Variants in SLC13A1 observed in about 807,000 individuals in gnomAD.
SLC13A1 encodes the protein Na(+)/sulfate cotransporter.
In SLC13A1, 65 loss-of-function variants were observed where a neutral mutation model predicts 70.0. The observed-to-expected ratio is 0.93, with a 90% confidence interval of 0.76 to 1.14. The LOEUF (loss-of-function observed/expected upper bound fraction) is 1.14, where lower values mean the gene tolerates loss of function less well. Among genes scored for constraint, SLC13A1 ranks in the 50% most tolerant of loss-of-function variants. SLC13A1 has a pLI of 0.00. For synonymous variants in SLC13A1, 275 were observed against 250.5 expected (o/e 1.10, Z -0.92); for missense variants, 726 against 717.8 (o/e 1.01, Z -0.13).
At chr7:123,162,218 G>A (rs1158942284) in intron 6 of SLC13A1, among the ~76,000 whole-genome samples, 3 of 152,070 alleles carry the variant, frequency 2.0e-5, no homozygotes, top group Non-Finnish European at 4.4e-5. Flanking sequence ...AACATAAAAT[G>A]TGAAGAACTA....
intron 1 of SLC13A1, among the ~76,000 whole-genome samples, chr7:123,191,327 G>T (rs890444797): frequency 2.0e-5 from 3 of 152,158 alleles, no homozygotes; most frequent in Non-Finnish European, 4.4e-5. Flanking sequence ...TCCTTCACAG[G>T]TTTGAGAAAA....
chr7:123,161,538 C>A (rs1794901362), intron 6 of SLC13A1, among the ~76,000 whole-genome samples: 1 of 152,140 alleles, frequency 6.6e-6, no homozygotes, highest in South Asian at 2.1e-4. Context: ...TTTCTCCTTT[C>A]CTTGAGCAGC....
intron 6 of SLC13A1, among the ~76,000 whole-genome samples, chr7:123,161,307 G>A (rs1794888062): frequency 6.7e-6 from 1 of 150,290 alleles, no homozygotes; most frequent in African/African-American, 2.4e-5. Flanking sequence ...ATCTTTAAAA[G>A]CACAAGAAAA....
chr7:123,171,900 G>A lies in SLC13A1; in HGVS notation c.233C>T (p.Ala78Val), dbSNP rs775622587. Residue 78 changes from alanine (A) to valine (V), a missense_variant, in exon 3 of 15, where the codon GCA becomes GTA. Transcript: ENST00000194130. The stretch of plus-strand genomic sequence containing the variant: ...GTGAAAATCCTTGAAATAAGCAGAT[G>A]CCACCTGAAATAACAATTAAACCCG... ...MFGIMPSKKV[A>V]SAYFKDFHLL... The A allele has an allele frequency of 4.3e-6, 7 of 1,611,846 alleles. No homozygotes were observed. The highest frequency in any genetic ancestry group is 5.9e-6 in the Non-Finnish European group (7 of 1,178,990).
intron 1 of SLC13A1, among the ~76,000 whole-genome samples, chr7:123,194,392 A>T (rs1426105466): frequency 2.0e-5 from 3 of 152,158 alleles, no homozygotes; most frequent in Admixed American, 6.6e-5. Flanking sequence ...TGTGGGAGAT[A>T]GATACTGGGG....
At position 123,149,648 on chromosome 7, in the gene SLC13A1, A is replaced by C. The variant is rs189255331; in HGVS notation, c.661-2338T>G. ...GTGGAAATGAAATGCAAAAATACCT[A>C]AGTGTGTGCTTGATATTATAGTTAC... is the stretch of plus-strand genomic sequence containing the variant. On this transcript the variant is annotated intron_variant, in intron 6 of 14. Transcript: ENST00000194130. 8.8e-6 allele frequency: 4 copies of C among 456,262 alleles called. No homozygotes were observed. The East Asian group carries it at 2.8e-4, about 32-fold the overall frequency. The allele number at this position is 456,262 out of a possible 1,614,324, so 28.3% of individuals were successfully genotyped here.
In SLC13A1 at chr7:123,115,643, G is replaced by A; in HGVS notation, c.1663C>T (p.Leu555Phe). ...GCAACACCAACAATGTTGACACCAA[G>A]TCCAGCTTTAACCTTGAACAGGAAA... Reference protein sequence around the residue: ...LKVIDMVKAGLGVNIVGVAVV... With the variant: ...LKVIDMVKAGFGVNIVGVAVV... The change falls in exon 15 of 15, where the codon CTT becomes TTT. Residue 555 changes from leucine to phenylalanine, a missense_variant. Leu to Phe is a conservative substitution (Grantham distance 22). Coordinates refer to ENST00000194130, the MANE Select transcript of SLC13A1 (RefSeq NM_022444.4). 2 of 1,613,706 alleles carry A rather than the reference G, an allele frequency of 1.2e-6. No homozygotes were observed. The highest frequency in any genetic ancestry group is 1.7e-6 in the Non-Finnish European group (2 of 1,179,700).
At chr7:123,117,250 C>T (rs1322683903) in intron 14 of SLC13A1, among the ~76,000 whole-genome samples, 1 of 152,094 alleles carries the variant, frequency 6.6e-6, no homozygotes, top group East Asian at 1.9e-4. Flanking sequence ...ATGCATTCAA[C>T]ATCTCTCTGT....
At chr7:123,193,617 A>G (rs1430351024) in intron 1 of SLC13A1, among the ~76,000 whole-genome samples, 1 of 152,148 alleles carries the variant, frequency 6.6e-6, no homozygotes, top group Non-Finnish European at 1.5e-5. Context: ...TTAAATAAGC[A>G]ATGACATCAT....
chr7:123,189,998 G>A (rs1460558926), intron 1 of SLC13A1, among the ~76,000 whole-genome samples: 6 of 151,714 alleles, frequency 4.0e-5, no homozygotes, highest in Non-Finnish European at 7.4e-5. Context: ...TTTCATTTTC[G>A]GTAATGTCTT....
In SLC13A1 at chr7:123,119,088, G is replaced by A. The variant is rs139357828; in HGVS notation, c.1505C>T (p.Ser502Phe). Reference protein sequence around the residue: ...ATITLFLPILSPLAEAIHVNP... With the variant: ...ATITLFLPILFPLAEAIHVNP... ...GATAAATGAGATACTCACCAATGGA[G>A]ATAATATTGGGAGAAAGAGTGTAAT... The change falls in exon 13 of 15, where the codon TCT becomes TTT. Residue 502 changes from serine to phenylalanine, a missense_variant. Ser to Phe is a radical substitution (Grantham distance 155). Coordinates refer to ENST00000194130, the MANE Select transcript of SLC13A1 (RefSeq NM_022444.4). 3 of 1,611,510 alleles carry A rather than the reference G, an allele frequency of 1.9e-6. No homozygotes were observed. The highest frequency in any genetic ancestry group is 1.7e-5 in the Admixed American group (1 of 59,872).
At chr7:123,163,515 A>G (rs1352830366) in intron 6 of SLC13A1, among the ~76,000 whole-genome samples, 6 of 152,120 alleles carry the variant, frequency 3.9e-5, no homozygotes, top group Non-Finnish European at 5.9e-5. Flanking sequence ...CTAAATATCC[A>G]TCATCTTCAA....
At chr7:123,140,018 T>G (rs1476626866) in intron 7 of SLC13A1, among the ~76,000 whole-genome samples, 2 of 152,082 alleles carry the variant, frequency 1.3e-5, no homozygotes, top group African/African-American at 4.8e-5. Context: ...TTTCGGTTTT[T>G]TTACCCATTC....
intron 14 of SLC13A1, among the ~76,000 whole-genome samples, chr7:123,117,059 A>G (rs549060026): frequency 6.6e-6 from 1 of 152,280 alleles, no homozygotes; most frequent in South Asian, 2.1e-4. Context: ...TCTCATTCAG[A>G]GGAAATGTTG....
intron 6 of SLC13A1, among the ~76,000 whole-genome samples, chr7:123,152,707 A>G (rs1794595509): frequency 6.6e-6 from 1 of 152,152 alleles, no homozygotes; most frequent in Non-Finnish European, 1.5e-5. Context: ...AGGTCAGCCC[A>G]CAAAGGACTC....
rs552547761 is a variant in SLC13A1 at position 123,121,785 on chromosome 7, G to T, written c.1350+1341C>A. Among the ~76,000 whole-genome samples, 60 of 152,226 alleles carry T rather than the reference G, an allele frequency of 3.9e-4. 1 individual carries two copies. Among genetic ancestry groups the T allele is most frequent in the African/African-American group, 1.4e-3 (58 of 41,550 alleles). On this transcript the variant is annotated intron_variant, in intron 12 of 14. Coordinates refer to ENST00000194130, the MANE Select transcript of SLC13A1 (RefSeq NM_022444.4). Reference sequence around the variant, plus strand: ...ACTGTTCTGTTCCCAACTAGAAAGAGTATCTGGTTCTGGACACTTGCCAGA... The same window carrying T: ...ACTGTTCTGTTCCCAACTAGAAAGATTATCTGGTTCTGGACACTTGCCAGA...
At chr7:123,198,808 T>C (rs1880180) in intron 1 of SLC13A1, among the ~76,000 whole-genome samples, 61,795 of 151,790 alleles carry the variant, frequency 0.41, 12,644 homozygotes, top group African/African-American at 0.43. Context: ...TTCTTGCCCA[T>C]TAAGAGGAGG....
intron 12 of SLC13A1, 77 bp from the exon 13 acceptor site, chr7:123,119,319 CATT>C (rs1351093532): frequency 1.0e-6 from 1 of 1,003,910 alleles, no homozygotes; most frequent in Non-Finnish European, 1.4e-6. Flanking sequence ...CATAAAAAAA[CATT>C]ATTTCCTTTG....
chr7:123,119,938 G>A (rs1035049961), intron 12 of SLC13A1, among the ~76,000 whole-genome samples: 2 of 151,800 alleles, frequency 1.3e-5, no homozygotes, highest in South Asian at 4.1e-4. Flanking sequence ...TTCCCCACAA[G>A]GAATAACTAT....
Sources: gnomAD v4.1 joint callset for allele counts (sites outside exome capture counted in the v4.1 genomes callset) on GRCh38, gnomAD v4.1.1 for gene constraint, MANE v1.5 for transcripts, NCBI Gene and HGNC (gene_info 2026-07-23, HGNC 2026-07-21) for gene names.